Variants in EPS8 observed in about 807,000 individuals in gnomAD.
The protein encoded by EPS8 is epidermal growth factor receptor kinase substrate 8.
Under a neutral mutation model 103.8 loss-of-function variants are expected in EPS8, and 42 were observed. The observed-to-expected ratio is 0.40, with a 90% CI of 0.32 to 0.52. The LOEUF (loss-of-function observed/expected upper bound fraction) is 0.52. Among genes scored for constraint, EPS8 ranks in the 20% least tolerant of loss-of-function variants. The probability of loss-of-function intolerance (pLI) is 0.40; values close to 1 mark genes in which losing one functional copy is unlikely to be tolerated. For missense variants in EPS8, 969 were observed against 1,005.1 expected (o/e 0.96, Z 0.49); for synonymous variants, 344 against 344.6 (o/e 1.00, Z 0.02).
chr12:15,739,926 C>A (rs561169330), intron 1 of EPS8, among the ~76,000 whole-genome samples: 2 of 152,174 alleles, frequency 1.3e-5, no homozygotes, highest in South Asian at 2.1e-4. Flanking sequence ...TTTTAATGAG[C>A]TTTTAAAAAG....
In EPS8 at chr12:15,751,038, C is replaced by T. The variant is rs138298846; in HGVS notation, c.-22+38123G>A. Among the ~76,000 whole-genome samples the T allele has an allele frequency of 3.3e-5, 5 of 152,222 alleles. No individual in the cohort carries two copies. The highest frequency in any genetic ancestry group is 3.3e-4 in the Admixed American group (5 of 15,280). On this transcript the variant is annotated intron_variant, in intron 1 of 20. Transcript: ENST00000281172. The surrounding 1 kb of genome is among the most constrained non-coding windows in gnomAD (Gnocchi z 4.3). Reference sequence around the variant, plus strand: ...GTTTCTCTCCTTGTCACAATAAGGACCAAATCCTTAGTTCAGCATTCAAGA... The same window carrying T: ...GTTTCTCTCCTTGTCACAATAAGGATCAAATCCTTAGTTCAGCATTCAAGA...
chr12:15,753,922 C>T (rs1390708618), intron 1 of EPS8, among the ~76,000 whole-genome samples: 5 of 152,204 alleles, frequency 3.3e-5, no homozygotes, highest in African/African-American at 2.4e-5. Context: ...CAGAGGGTCA[C>T]TCATGCAAGG....
chr12:15,771,493 T>C lies in EPS8; in HGVS notation c.-22+17668A>G, dbSNP rs1440865432. Among the ~76,000 whole-genome samples the C allele has an allele frequency of 6.6e-6, 1 of 152,114 alleles. No homozygotes were observed. Among genetic ancestry groups the C allele is most frequent in the Non-Finnish European group, 1.5e-5 (1 of 68,010 alleles). On this transcript the variant is annotated intron_variant, in intron 1 of 20. Transcript: ENST00000281172. This position sits in a 1 kb window ranked among gnomAD's most constrained non-coding sequence, Gnocchi z 4.6. Reference sequence around the variant, plus strand: ...AGATACAGAGACATTCAGGAGGGAATAGCTTAAGAAAATGGTCATATAGCC... The same window carrying C: ...AGATACAGAGACATTCAGGAGGGAACAGCTTAAGAAAATGGTCATATAGCC...
chr12:15,773,463 A>G (rs954144064), intron 1 of EPS8, among the ~76,000 whole-genome samples: 1 of 152,026 alleles, frequency 6.6e-6, no homozygotes, highest in Non-Finnish European at 1.5e-5. Flanking sequence ...ACAGGACCAA[A>G]TTATGTGTTA....
chr12:15,758,042 G>A (rs370370620), intron 1 of EPS8, among the ~76,000 whole-genome samples: 3 of 152,124 alleles, frequency 2.0e-5, no homozygotes, highest in African/African-American at 7.2e-5. Flanking sequence ...TCTTCACACC[G>A]CCTAGGCTTC....
Position 15,654,270 on chromosome 12 carries a change from AGGACCTC to A in EPS8, c.1118_1124del (p.Gly373ValfsTer3). The A allele has an allele frequency of 6.2e-7, 1 of 1,613,566 alleles. No individual in the cohort carries two copies. The highest frequency in any genetic ancestry group is 8.5e-7 in the Non-Finnish European group (1 of 1,179,670). On this transcript the variant is annotated frameshift_variant, in exon 13 of 21. Coordinates refer to ENST00000281172, the MANE Select transcript of EPS8 (RefSeq NM_004447.6). LOFTEE classifies it high-confidence loss of function. ...GACTAAGTACTGAACTGGCTAGTTC[AGGACCTC>A]CTGTTGCCTGCACCACCTAAGATAA...
chr12:15,765,559 A>C (rs1947084791), intron 1 of EPS8, among the ~76,000 whole-genome samples: 1 of 152,154 alleles, frequency 6.6e-6, no homozygotes, highest in Admixed American at 6.5e-5. Flanking sequence ...AGTAAGAAAA[A>C]AAAATTGTTT....
chr12:15,745,863 A>G lies in EPS8; in HGVS notation c.-22+43298T>C, dbSNP rs2136012475. On this transcript the variant is annotated intron_variant, in intron 1 of 20. Transcript: ENST00000281172. The surrounding 1 kb of genome is among the most constrained non-coding windows in gnomAD (Gnocchi z 4.6). ...ATGACCAGGGCAAATACGTTGTCCA[A>G]ATGAAACTAGTTAACATTATTAAAC... Among the ~76,000 whole-genome samples, 1 of 152,346 alleles carries G rather than the reference A, an allele frequency of 6.6e-6. No individual in the cohort carries two copies. Among genetic ancestry groups the G allele is most frequent in the Middle Eastern group, 3.4e-3 (1 of 294 alleles).
At position 15,747,371 on chromosome 12, in the gene EPS8, A is replaced by G. The variant is rs1421859347; in HGVS notation, c.-22+41790T>C. Among the ~76,000 whole-genome samples, 1 of 152,216 alleles carries G rather than the reference A, an allele frequency of 6.6e-6. No homozygotes were observed. The highest frequency in any genetic ancestry group is 2.4e-5 in the African/African-American group (1 of 41,446). On this transcript the variant is annotated intron_variant, in intron 1 of 20. Transcript: ENST00000281172. This position sits in a 1 kb window ranked among gnomAD's most constrained non-coding sequence, Gnocchi z 4.4. ...TGGTTATCAGAAAGTGCTTAATCTTAGTACATTAACAAACTTACTCCATTT... is the reference window on the plus strand; with the variant it reads ...TGGTTATCAGAAAGTGCTTAATCTTGGTACATTAACAAACTTACTCCATTT...
intron 1 of EPS8, among the ~76,000 whole-genome samples, chr12:15,707,387 G>A (rs949864216): frequency 2.0e-5 from 3 of 152,070 alleles, no homozygotes; most frequent in Admixed American, 2.0e-4. Flanking sequence ...CCTCTGCTTT[G>A]AGTTCATCAT....
rs1426398470 is a variant in EPS8, at chr12:15,695,462, C to T, written c.-21-12490G>A. Among the ~76,000 whole-genome samples, 2 of 152,206 alleles carry T rather than the reference C, an allele frequency of 1.3e-5. No homozygotes were observed. The highest frequency in any genetic ancestry group is 2.9e-5 in the Non-Finnish European group (2 of 68,034). ...CACTGCTCAATACAGTAGCTGAGCA[C>T]AAGTGTTGAGCACTTGAAATGTGGC... is the stretch of plus-strand genomic sequence containing the variant. On this transcript the variant is annotated intron_variant, in intron 1 of 20. Coordinates refer to ENST00000281172, the MANE Select transcript of EPS8 (RefSeq NM_004447.6). The surrounding 1 kb of genome is among the most constrained non-coding windows in gnomAD (Gnocchi z 5.0).
Position 15,734,634 on chromosome 12 carries a change from C to T in EPS8, c.-21-51662G>A, listed in dbSNP as rs944694120. Among the ~76,000 whole-genome samples, 4 of 152,050 alleles carry T rather than the reference C, an allele frequency of 2.6e-5. No homozygotes were observed. Among genetic ancestry groups the T allele is most frequent in the African/African-American group, 9.7e-5 (4 of 41,392 alleles). ...GCGTGAACCTGGGAGGCGGACCTTG[C>T]AGTGAGCCGAGATCGCGCCACTGTA... On this transcript the variant is annotated intron_variant, in intron 1 of 20. Coordinates refer to ENST00000281172, the MANE Select transcript of EPS8 (RefSeq NM_004447.6). The surrounding 1 kb of genome is among the most constrained non-coding windows in gnomAD (Gnocchi z 4.1).
Position 15,762,176 on chromosome 12 carries a change from C to T in EPS8, c.-22+26985G>A, listed in dbSNP as rs1413570761. Among the ~76,000 whole-genome samples the T allele has an allele frequency of 6.6e-6, 1 of 151,952 alleles. No individual in the cohort carries two copies. The highest frequency in any genetic ancestry group is 2.4e-5 in the African/African-American group (1 of 41,386). On this transcript the variant is annotated intron_variant, in intron 1 of 20. Transcript: ENST00000281172. The surrounding 1 kb of genome is among the most constrained non-coding windows in gnomAD (Gnocchi z 4.8). ...GACATACAAATGGCAAACAGGCATA[C>T]GAAAAGGTGCTCAACATCACTGATC... is the stretch of plus-strand genomic sequence containing the variant.
At chr12:15,685,510 T>G (rs1946080815) in intron 1 of EPS8, among the ~76,000 whole-genome samples, 1 of 152,232 alleles carries the variant, frequency 6.6e-6, no homozygotes, top group East Asian at 1.9e-4. Context: ...CATCTCATCT[T>G]TTCATGTTTA....
chr12:15,669,872 A>G (rs776291719), intron 4 of EPS8, 47 bp from the exon 5 acceptor site: 3 of 1,429,156 alleles, frequency 2.1e-6, no homozygotes, highest in Middle Eastern at 1.8e-4. Context: ...ATACAAACAC[A>G]TACAACCTCT....
intron 1 of EPS8, among the ~76,000 whole-genome samples, chr12:15,709,036 G>A (rs966350022): frequency 2.0e-5 from 3 of 152,140 alleles, no homozygotes; most frequent in Admixed American, 6.5e-5. Context: ...TTGATCCCCT[G>A]TCCCCAAATG....
chr12:15,717,257 T>G lies in EPS8; in HGVS notation c.-21-34285A>C, dbSNP rs531694285. Among the ~76,000 whole-genome samples, 1 of 152,254 alleles carries G rather than the reference T, an allele frequency of 6.6e-6. No homozygotes were observed. ...ATGAGTCAGTATGGGTTGAAGCTAT[T>G]GTTTGGCTGTAGAGCTAGGATTAAA... On this transcript the variant is annotated intron_variant, in intron 1 of 20. Coordinates refer to ENST00000281172, the MANE Select transcript of EPS8 (RefSeq NM_004447.6). The surrounding 1 kb of genome is among the most constrained non-coding windows in gnomAD (Gnocchi z 4.3).
In EPS8 at chr12:15,640,830, T is replaced by C. The variant is rs751384971; in HGVS notation, c.1694A>G (p.Lys565Arg). 1 of 1,613,828 alleles carries C rather than the reference T, an allele frequency of 6.2e-7. No homozygotes were observed. The highest frequency in any genetic ancestry group is 1.1e-5 in the South Asian group (1 of 91,070). Residue 565 changes from lysine to arginine, a missense_variant, in exon 17 of 21, where the codon AAG becomes AGG. Physicochemically the swap from Lys to Arg is conservative, Grantham distance 26. Coordinates refer to ENST00000281172, the MANE Select transcript of EPS8 (RefSeq NM_004447.6). Reference sequence around the variant, plus strand: ...TGCATTTCGAACTTTCCACCATTGCTTCCGATCATCAAGTATCTGTCATGT... The same window carrying C: ...TGCATTTCGAACTTTCCACCATTGCCTCCGATCATCAAGTATCTGTCATGT... ...DDILEILDDR[K>R]QWWKVRNASG...
intron 3 of EPS8, among the ~76,000 whole-genome samples, chr12:15,680,105 A>T (rs1945979779): frequency 6.6e-6 from 1 of 152,172 alleles, no homozygotes; most frequent in South Asian, 2.1e-4. Context: ...AACCAACAAC[A>T]ATCAGATTAA....
Sources: gnomAD v4.1 joint callset for allele counts (sites outside exome capture counted in the v4.1 genomes callset) on GRCh38, gnomAD v4.1.1 for gene constraint, Gnocchi (gnomAD v3.1) non-coding constraint, MANE v1.5 for transcripts, NCBI Gene and HGNC (gene_info 2026-07-23, HGNC 2026-07-21) for gene names.